NUGGC: variants seen among roughly 807,000 people sequenced by gnomAD.
The protein encoded by NUGGC is nuclear GTPase SLIP-GC.
In NUGGC, 58 loss-of-function variants were observed where a neutral mutation model predicts 92.6. That is an observed-to-expected ratio of 0.63 (90% CI 0.51 to 0.78). NUGGC has a LOEUF of 0.78. Among genes scored for constraint, NUGGC ranks in the 30% least tolerant of loss-of-function variants. The pLI, the probability that NUGGC is intolerant of heterozygous loss-of-function variation, is 0.00. For synonymous variants in NUGGC, 376 were observed against 366.4 expected (o/e 1.03, Z -0.30); for missense variants, 925 against 964.6 (o/e 0.96, Z 0.54).
chr8:28,082,559 C>A (rs766108160), intron 1 of NUGGC, among the ~76,000 whole-genome samples: 1 of 152,146 alleles, frequency 6.6e-6, no homozygotes, highest in Non-Finnish European at 1.5e-5. Context: ...CAAACTAAAA[C>A]CTGATTCTCC....
rs146425825 is a variant in NUGGC, at chr8:28,054,850, C to A, written c.1206+1115G>T. Among the ~76,000 whole-genome samples the A allele has an allele frequency of 2.7e-4, 41 of 151,862 alleles. No homozygotes were observed. In the East Asian group the frequency reaches 7.2e-3, roughly 27 times the overall value. ...ATCACTTCAGCCCAAGAGTTTGAGA[C>A]CAGCCTGGGCAACATAGTGGAAACC... On this transcript the variant is annotated intron_variant, in intron 10 of 18. Transcript: ENST00000413272.
At chr8:28,070,053 C>A in intron 3 of NUGGC, 199 bp downstream of exon 3, 2 of 969,366 alleles carry the variant, frequency 2.1e-6, no homozygotes, top group South Asian at 9.5e-5. Context: ...ATTTTGATAA[C>A]AACCCTCCTG....
chr8:28,037,404 C>A (rs1450670766), intron 13 of NUGGC, among the ~76,000 whole-genome samples: 1 of 152,192 alleles, frequency 6.6e-6, no homozygotes, highest in South Asian at 2.1e-4. Flanking sequence ...CCCTGAAATG[C>A]CTTCCCTGCC....
At chr8:28,041,969 C>T (rs764177391) in intron 12 of NUGGC, among the ~76,000 whole-genome samples, 3 of 152,024 alleles carry the variant, frequency 2.0e-5, no homozygotes, top group Non-Finnish European at 4.4e-5. Flanking sequence ...GTGGGGGGGA[C>T]CTGGTGGGAG....
chr8:28,065,180 A>T (rs185389945), intron 6 of NUGGC, among the ~76,000 whole-genome samples: 5,234 of 68,968 alleles, frequency 0.076, 128 homozygotes, highest in African/African-American at 0.16. Flanking sequence ...TTTTTTTTTG[A>T]GACAGAGTCT....
intron 17 of NUGGC, among the ~76,000 whole-genome samples, chr8:28,028,775 G>A (rs777037726): frequency 1.3e-5 from 2 of 152,178 alleles, no homozygotes; most frequent in Non-Finnish European, 2.9e-5. Context: ...TAACTGACTG[G>A]CCTTGAGTAG....
intron 6 of NUGGC, among the ~76,000 whole-genome samples, chr8:28,066,382 C>T (rs529814252): frequency 1.3e-5 from 2 of 152,224 alleles, no homozygotes; most frequent in East Asian, 3.9e-4. Context: ...CCTAGTCAAG[C>T]ATTTAAACAT....
At chr8:28,040,957 A>G in intron 13 of NUGGC, 94 bp downstream of exon 13, 1 of 1,278,102 alleles carries the variant, frequency 7.8e-7, no homozygotes, top group Non-Finnish European at 1.1e-6. Flanking sequence ...CTAACTCTTT[A>G]CCTCTTTTGA....
intron 10 of NUGGC, among the ~76,000 whole-genome samples, chr8:28,049,851 C>T (rs538011537): frequency 2.0e-5 from 3 of 152,228 alleles, no homozygotes; most frequent in South Asian, 2.1e-4. Context: ...TTTGGGAAGC[C>T]GAGGCAGGTG....
At chr8:28,071,445 A>G (rs1810588092) in intron 2 of NUGGC, among the ~76,000 whole-genome samples, 1 of 152,214 alleles carries the variant, frequency 6.6e-6, no homozygotes, top group Admixed American at 6.5e-5. Flanking sequence ...CACATGCATT[A>G]CAAGAGTTTG....
intron 9 of NUGGC, among the ~76,000 whole-genome samples, chr8:28,057,053 G>A (rs1810160035): frequency 1.3e-5 from 2 of 152,168 alleles, no homozygotes; most frequent in African/African-American, 4.8e-5. Flanking sequence ...GTATTTTTCA[G>A]CCTGTTTAGA....
intron 13 of NUGGC, among the ~76,000 whole-genome samples, chr8:28,034,106 A>T (rs1413780713): frequency 6.6e-6 from 1 of 152,284 alleles, no homozygotes; most frequent in Admixed American, 6.5e-5. Flanking sequence ...GAACGACTAA[A>T]TAAATGAATG....
At chr8:28,079,840 G>T (rs572604221) in intron 1 of NUGGC, among the ~76,000 whole-genome samples, 1 of 152,354 alleles carries the variant, frequency 6.6e-6, no homozygotes, top group African/African-American at 2.4e-5. Flanking sequence ...GGGAGAGAGA[G>T]TAGCAACTTG....
chr8:28,066,728 T>C (rs990597859), intron 6 of NUGGC, among the ~76,000 whole-genome samples: 1 of 152,224 alleles, frequency 6.6e-6, no homozygotes, highest in Non-Finnish European at 1.5e-5. Context: ...AAAATAAACA[T>C]TGTTTATAAA....
intron 18 of NUGGC, among the ~76,000 whole-genome samples, chr8:28,025,871 G>C (rs1181444445): frequency 6.6e-6 from 1 of 152,174 alleles, no homozygotes; most frequent in Non-Finnish European, 1.5e-5. Flanking sequence ...ACAGGGTGCA[G>C]AGCAAGGCTC....
chr8:28,069,708 G>A, intron 3 of NUGGC, 56 bp from the exon 4 acceptor site: 2 of 931,718 alleles, frequency 2.1e-6, no homozygotes, highest in Non-Finnish European at 3.6e-6. Flanking sequence ...AAAGTACTAG[G>A]TCTCCAAAGG....
chr8:28,079,121 T>A (rs977470395), intron 1 of NUGGC, among the ~76,000 whole-genome samples: 3 of 152,240 alleles, frequency 2.0e-5, no homozygotes, highest in Non-Finnish European at 2.9e-5. Flanking sequence ...CAGTTATTCT[T>A]GCTTCTCTCC....
chr8:28,035,237 A>G (rs1407527705), intron 13 of NUGGC, among the ~76,000 whole-genome samples: 1 of 152,240 alleles, frequency 6.6e-6, no homozygotes, highest in Non-Finnish European at 1.5e-5. Context: ...ATGGGATAGA[A>G]ACAGCTCTAT....
At chr8:28,044,735 T>C (rs897804786) in intron 12 of NUGGC, among the ~76,000 whole-genome samples, 10 of 152,200 alleles carry the variant, frequency 6.6e-5, no homozygotes, top group African/African-American at 2.2e-4. Flanking sequence ...GGGCTGTTTA[T>C]TGTAGATAAG....
Sources: allele counts gnomAD v4.1 joint callset (sites outside exome capture counted in the v4.1 genomes callset), GRCh38; gene constraint gnomAD v4.1.1; transcripts MANE v1.5; gene names NCBI Gene and HGNC (gene_info 2026-07-23, HGNC 2026-07-21).